Variants in PCDH15 observed in about 807,000 individuals in gnomAD.
PCDH15 encodes the protein protocadherin-15.
Under a neutral mutation model 178.5 loss-of-function variants are expected in PCDH15, and 129 were observed. The observed-to-expected ratio is 0.72, with a 90% confidence interval of 0.63 to 0.84. The LOEUF is 0.84. PCDH15 is among the 40% of genes least tolerant of loss of function. PCDH15 has a pLI of 0.00. For missense variants in PCDH15, 2,230 were observed against 2,099.9 expected, an observed-to-expected ratio of 1.06 and a Z score of -1.21; for synonymous variants, 800 against 732.0, an observed-to-expected ratio of 1.09 and a Z score of -1.50.
intron 2 of PCDH15, among the ~76,000 whole-genome samples, chr10:55,339,366 G>T (rs1201762965): frequency 6.6e-6 from 1 of 151,918 alleles, no homozygotes; most frequent in Non-Finnish European, 1.5e-5. Context: ...TCGGACCAAG[G>T]ATCTAGTAAT....
chr10:54,211,640 G>A (rs1488723766), intron 10 of PCDH15, among the ~76,000 whole-genome samples: 1 of 151,990 alleles, frequency 6.6e-6, no homozygotes, highest in Non-Finnish European at 1.5e-5. Context: ...CAAAATGTAG[G>A]AGAAGAGACT....
intron 8 of PCDH15, among the ~76,000 whole-genome samples, chr10:54,244,692 A>G (rs949992189): frequency 3.9e-5 from 6 of 152,316 alleles, no homozygotes; most frequent in Admixed American, 2.6e-4. Context: ...TATAACAACT[A>G]TTCTGGTTCC....
At chr10:55,294,269 G>A (rs1182588611) in intron 1 of PCDH15, among the ~76,000 whole-genome samples, 2 of 152,132 alleles carry the variant, frequency 1.3e-5, no homozygotes, top group Non-Finnish European at 2.9e-5. Context: ...ACAACACGTG[G>A]GAATTCACGA....
intron 8 of PCDH15, among the ~76,000 whole-genome samples, chr10:54,265,607 A>G (rs573553515): frequency 6.6e-6 from 1 of 152,244 alleles, no homozygotes; most frequent in East Asian, 1.9e-4. Context: ...GGAAAACAAA[A>G]AAGAGCAGGA....
intron 3 of PCDH15, among the ~76,000 whole-genome samples, chr10:54,426,340 G>T (rs1399004520): frequency 6.6e-6 from 1 of 152,146 alleles, no homozygotes; most frequent in Non-Finnish European, 1.5e-5. Context: ...CCACCACTCA[G>T]ATCATCAAGC....
At chr10:55,167,613 T>C (rs1050130657) in intron 1 of PCDH15, among the ~76,000 whole-genome samples, 9 of 152,188 alleles carry the variant, frequency 5.9e-5, no homozygotes, top group African/African-American at 2.2e-4. Context: ...TACTGTGTTT[T>C]GATTTCAAAG....
chr10:54,025,012 A>T (rs891936285), intron 18 of PCDH15, among the ~76,000 whole-genome samples: 1 of 152,170 alleles, frequency 6.6e-6, no homozygotes, highest in East Asian at 1.9e-4. Flanking sequence ...TTAAGATCAA[A>T]AAAACTAATC....
chr10:54,035,097 A>G (rs2093385298), intron 18 of PCDH15, among the ~76,000 whole-genome samples: 1 of 151,846 alleles, frequency 6.6e-6, no homozygotes, highest in African/African-American at 2.4e-5. Flanking sequence ...TCCTGAGAAT[A>G]ACAGAATGTT....
At chr10:54,216,861 A>G (rs2052125753) in intron 9 of PCDH15, among the ~76,000 whole-genome samples, 1 of 152,238 alleles carries the variant, frequency 6.6e-6, no homozygotes, top group East Asian at 1.9e-4. Flanking sequence ...GGTCTGGGTA[A>G]ATAAATGGTG....
At chr10:54,082,656 A>T (rs1190371349) in intron 16 of PCDH15, among the ~76,000 whole-genome samples, 3 of 152,278 alleles carry the variant, frequency 2.0e-5, no homozygotes, top group African/African-American at 7.2e-5. Flanking sequence ...GATAAAAACT[A>T]GAGGTAAATA....
At chr10:55,572,704 T>C (rs1180282512) in intron 2 of PCDH15, among the ~76,000 whole-genome samples, 1 of 152,036 alleles carries the variant, frequency 6.6e-6, no homozygotes, top group Non-Finnish European at 1.5e-5. Flanking sequence ...GGGCAATATT[T>C]CAGATGCTAT....
chr10:54,557,732 T>C (rs1190356899), intron 2 of PCDH15, among the ~76,000 whole-genome samples: 2 of 152,126 alleles, frequency 1.3e-5, no homozygotes, highest in Non-Finnish European at 2.9e-5. Flanking sequence ...TTTACTCATA[T>C]TCCTATAGTT....
At chr10:54,711,169 C>A (rs980552137) in intron 1 of PCDH15, among the ~76,000 whole-genome samples, 18 of 152,078 alleles carry the variant, frequency 1.2e-4, no homozygotes, top group African/African-American at 4.3e-4. Flanking sequence ...TAGACCTGAA[C>A]AAATACTCAG....
At chr10:54,179,520 GTAAC>G (rs1197046931) in intron 13 of PCDH15, among the ~76,000 whole-genome samples, 1 of 151,744 alleles carries the variant, frequency 6.6e-6, no homozygotes, top group Non-Finnish European at 1.5e-5. Context: ...GTATACATAT[GTAAC>G]TAACCTGCAC....
rs143150788 is a variant in PCDH15, at chr10:54,003,137, C to A, written c.2752-7372G>T. Among the ~76,000 whole-genome samples the A allele has an allele frequency of 5.6e-3, 858 of 152,130 alleles. 5 individuals carry two copies. The highest frequency in any genetic ancestry group is 0.02 in the African/African-American group (814 of 41,516). ...GTGGGAAATTTATAGCTATAAGTGC[C>A]TACATCATGAAAGGAAAAAAACTTC... On this transcript the variant is annotated intron_variant, in intron 20 of 37. Transcript: ENST00000644397.
chr10:55,050,754 A>G (rs951571433), intron 2 of PCDH15, among the ~76,000 whole-genome samples: 2 of 152,070 alleles, frequency 1.3e-5, no homozygotes, highest in African/African-American at 4.8e-5. Flanking sequence ...GTTCCTGCGT[A>G]GGCAGTCTGA....
At chr10:54,273,405 T>A (rs1166667874) in intron 8 of PCDH15, among the ~76,000 whole-genome samples, 1 of 150,418 alleles carries the variant, frequency 6.6e-6, no homozygotes, top group East Asian at 2.0e-4. Flanking sequence ...TTAAAAACTG[T>A]AATTAAATAG....
chr10:53,823,368 A>AAAG (rs757760070), intron 32 of PCDH15: 1 of 1,608,986 alleles, frequency 6.2e-7, no homozygotes, highest in East Asian at 2.2e-5. Flanking sequence ...ACTTGAAAGA[A>AAAG]AAGAAGATAA....
chr10:54,366,317 T>G (rs1946784492), intron 5 of PCDH15, among the ~76,000 whole-genome samples: 1 of 152,088 alleles, frequency 6.6e-6, no homozygotes, highest in Non-Finnish European at 1.5e-5. Context: ...GAACGATTTT[T>G]TTGGAAAAAC....
Sources: allele counts gnomAD v4.1 joint callset (sites outside exome capture counted in the v4.1 genomes callset), GRCh38; gene constraint gnomAD v4.1.1; transcripts MANE v1.5; gene names NCBI Gene and HGNC (gene_info 2026-07-23, HGNC 2026-07-21).